The following SYN3 variants were observed in gnomAD, a reference collection of about 807,000 sequenced individuals.
SYN3 encodes the protein synapsin III.
SYN3 carries 35 observed loss-of-function variants against 65.8 expected under a neutral mutation model. The ratio of observed to expected loss-of-function variants is 0.53; its 90% confidence interval spans 0.41 to 0.70. The LOEUF (loss-of-function observed/expected upper bound fraction) is 0.70. Ranked by LOEUF, SYN3 falls within the 30% of genes least tolerant of loss-of-function variation. SYN3 has a pLI of 0.00. For synonymous variants in SYN3, 270 were observed against 292.9 expected, an observed-to-expected ratio of 0.92 and a Z score of 0.80; for missense variants, 680 against 749.0, an observed-to-expected ratio of 0.91 and a Z score of 1.08.
chr22:32,875,830 G>A (rs536051031), intron 4 of SYN3, among the ~76,000 whole-genome samples: 8 of 152,174 alleles, frequency 5.3e-5, no homozygotes, highest in East Asian at 1.9e-4. Context: ...GATTTCAGAC[G>A]TCTGGTCCCC....
chr22:32,962,129 CTTT>C (rs58025844), intron 3 of SYN3, among the ~76,000 whole-genome samples: 1 of 107,198 alleles, frequency 9.3e-6, no homozygotes, highest in African/African-American at 3.7e-5. Flanking sequence ...TTTAGAATCT[CTTT>C]TTTTTTTTTT....
At chr22:32,850,300 C>T (rs936736668) in intron 6 of SYN3, among the ~76,000 whole-genome samples, 4 of 151,994 alleles carry the variant, frequency 2.6e-5, no homozygotes, top group African/African-American at 7.2e-5. Flanking sequence ...TTTCCTGGGC[C>T]GCAGTTTTGC....
chr22:32,828,781 C>T (rs547530015), intron 6 of SYN3, among the ~76,000 whole-genome samples: 3 of 152,288 alleles, frequency 2.0e-5, no homozygotes, highest in East Asian at 1.9e-4. Flanking sequence ...CTCATCAGCA[C>T]GCTGGACTGA....
intron 4 of SYN3, among the ~76,000 whole-genome samples, chr22:32,882,032 C>T (rs1319268692): frequency 2.1e-5 from 3 of 146,338 alleles, no homozygotes; most frequent in African/African-American, 7.7e-5. Context: ...TCCAGCCTGG[C>T]GACAGAGCGA....
In SYN3 at chr22:32,533,826, G is replaced by T. The variant is rs900326245; in HGVS notation, c.1062C>A (p.Val354=). The change falls in exon 10 of 14, where the codon GTC becomes GTA. Residue 354 remains valine (V), a synonymous_variant. Transcript: ENST00000358763. ...GGLDICAVKA[V]HSKDGRDYII... ...TGTAATCTCTGCCATCCTTGCTGTG[G>T]ACAGCCTTGACGGCACAGATGTCCA... The T allele has an allele frequency of 4.3e-6, 7 of 1,613,848 alleles. No homozygotes were observed. Among genetic ancestry groups the T allele is most frequent in the Middle Eastern group, 1.7e-4 (1 of 6,058 alleles).
intron 3 of SYN3, among the ~76,000 whole-genome samples, chr22:32,946,390 T>C (rs933926648): frequency 3.3e-5 from 5 of 152,104 alleles, no homozygotes; most frequent in Admixed American, 2.0e-4. Flanking sequence ...GTGTCCTTTG[T>C]AGGGACATCG....
At chr22:32,853,731 C>A (rs934880920) in intron 6 of SYN3, among the ~76,000 whole-genome samples, 2 of 152,194 alleles carry the variant, frequency 1.3e-5, no homozygotes, top group Non-Finnish European at 1.5e-5. Flanking sequence ...CCTCTCCTTA[C>A]GAATTTCAGT....
At chr22:32,685,748 ATGCAATAC>A (rs1412715621) in intron 6 of SYN3, among the ~76,000 whole-genome samples, 10 of 152,352 alleles carry the variant, frequency 6.6e-5, no homozygotes, top group Admixed American at 5.9e-4. Context: ...TCATTAACTG[ATGCAATAC>A]TGTATAACAT....
intron 7 of SYN3, among the ~76,000 whole-genome samples, chr22:32,565,750 C>A: frequency 6.6e-6 from 1 of 151,496 alleles, no homozygotes; most frequent in Admixed American, 6.6e-5. Flanking sequence ...CTCGCTCTGT[C>A]CCCCAGGCTG....
chr22:32,976,997 G>GC (rs930930536), intron 3 of SYN3, among the ~76,000 whole-genome samples: 13 of 147,708 alleles, frequency 8.8e-5, no homozygotes, highest in South Asian at 2.1e-4. Flanking sequence ...AGATTCCTGG[G>GC]GGGGGGGTTG....
chr22:32,597,663 G>A (rs534889957), intron 6 of SYN3, among the ~76,000 whole-genome samples: 2 of 152,286 alleles, frequency 1.3e-5, no homozygotes, highest in African/African-American at 2.4e-5. Context: ...CATAGGCTCC[G>A]TGCTGAGCGA....
intron 6 of SYN3, among the ~76,000 whole-genome samples, chr22:32,688,764 G>A (rs2060625657): frequency 6.6e-6 from 1 of 151,754 alleles, no homozygotes; most frequent in African/African-American, 2.4e-5. Flanking sequence ...TTTTCTCGCT[G>A]GATGGAAGCC....
intron 7 of SYN3, among the ~76,000 whole-genome samples, chr22:32,587,180 C>T (rs1183055443): frequency 1.0e-4 from 15 of 147,414 alleles, no homozygotes; most frequent in Non-Finnish European, 1.8e-4. Flanking sequence ...CGAGATCACA[C>T]CACTGCACTC....
At chr22:32,877,418 T>C (rs2049012614) in intron 4 of SYN3, among the ~76,000 whole-genome samples, 1 of 152,188 alleles carries the variant, frequency 6.6e-6, no homozygotes, top group South Asian at 2.1e-4. Context: ...TCACAGCCTG[T>C]TGGCTCTAGA....
intron 6 of SYN3, among the ~76,000 whole-genome samples, chr22:32,708,909 A>G (rs1279732701): frequency 2.0e-5 from 3 of 152,218 alleles, no homozygotes; most frequent in Admixed American, 2.0e-4. Flanking sequence ...CTTTTGCCGC[A>G]GGCTGCACAG....
intron 7 of SYN3, among the ~76,000 whole-genome samples, chr22:32,549,725 T>TC (rs2058384159): frequency 6.6e-6 from 1 of 152,050 alleles, no homozygotes; most frequent in Admixed American, 6.6e-5. Flanking sequence ...ATAGTGAAAC[T>TC]CAGTCTCTAG....
intron 6 of SYN3, among the ~76,000 whole-genome samples, chr22:32,605,457 C>A (rs1366976255): frequency 1.3e-5 from 2 of 152,188 alleles, no homozygotes; most frequent in Non-Finnish European, 2.9e-5. Flanking sequence ...AACAACAGCT[C>A]ATATCTCTTG....
intron 4 of SYN3, among the ~76,000 whole-genome samples, chr22:32,870,428 A>C (rs2040437): frequency 0.26 from 40,080 of 152,062 alleles, 5,477 homozygotes; most frequent in African/African-American, 0.31. Flanking sequence ...ACAATAGTTC[A>C]CTGAATGATA....
intron 8 of SYN3, among the ~76,000 whole-genome samples, chr22:32,540,216 C>T (rs1373273421): frequency 6.6e-6 from 1 of 152,216 alleles, no homozygotes; most frequent in African/African-American, 2.4e-5. Context: ...TCTAGGCAAT[C>T]CAGGTAGTGC....
Sources: allele counts gnomAD v4.1 joint callset (sites outside exome capture counted in the v4.1 genomes callset), GRCh38; gene constraint gnomAD v4.1.1; transcripts MANE v1.5; gene names NCBI Gene and HGNC (gene_info 2026-07-23, HGNC 2026-07-21).